Variants in TFDP2 observed in about 807,000 individuals in gnomAD.
TFDP2 encodes the protein transcription factor Dp-2 (E2F dimerization partner 2).
TFDP2 carries 17 observed loss-of-function variants against 59.3 expected under a neutral mutation model. That is an observed-to-expected ratio of 0.29 (90% CI 0.20 to 0.43). The LOEUF is 0.43. TFDP2 is among the 20% of genes least tolerant of loss of function. The probability of loss-of-function intolerance (pLI) is 1.00; values close to 1 mark genes in which losing one functional copy is unlikely to be tolerated. For missense variants in TFDP2, 391 were observed against 528.8 expected (o/e 0.74, Z 2.56); for synonymous variants, 180 against 194.7 (o/e 0.92, Z 0.63).
At chr3:142,099,023 A>C (rs563317034) in intron 2 of TFDP2, among the ~76,000 whole-genome samples, 71 of 152,354 alleles carry the variant, frequency 4.7e-4, no homozygotes, top group African/African-American at 1.6e-3. Context: ...AACTCTTCAC[A>C]AAAAAACTGT....
intron 3 of TFDP2, among the ~76,000 whole-genome samples, chr3:142,055,252 T>G (rs1431550433): frequency 6.6e-6 from 1 of 152,056 alleles, no homozygotes; most frequent in Non-Finnish European, 1.5e-5. Context: ...GTAATCCATC[T>G]CAGTAAGAGA....
At chr3:141,969,896 T>C (rs1939449868) in intron 9 of TFDP2, among the ~76,000 whole-genome samples, 177 bp downstream of exon 9, 1 of 152,150 alleles carries the variant, frequency 6.6e-6, no homozygotes, top group South Asian at 2.1e-4. Flanking sequence ...TGGCAACAGA[T>C]GGGACCATCT....
At chr3:141,956,323 G>C (rs1308672825) in intron 11 of TFDP2, among the ~76,000 whole-genome samples, 1 of 152,100 alleles carries the variant, frequency 6.6e-6, no homozygotes, top group Non-Finnish European at 1.5e-5. Context: ...AGGCCGAAGC[G>C]GGTGGATCAC....
rs1937136555 is a variant in TFDP2 at position 141,959,828 on chromosome 3, A to C, written c.897T>G (p.Leu299=). Residue 299 remains leucine, a synonymous_variant, in exon 11 of 13, where the codon CTT becomes CTG. Coordinates refer to ENST00000489671, the MANE Select transcript of TFDP2 (RefSeq NM_001178139.2). ...CSISSDKFEY[L]FNFDNTFEIH... ...TCTCAAAGGTGTTGTCAAAATTGAA[A>C]AGATACTCAAACCTGCATCAGGAAA... 6.2e-7 allele frequency: 1 copy of C among 1,613,976 alleles called. No homozygotes were observed. The highest frequency in any genetic ancestry group is 8.5e-7 in the Non-Finnish European group (1 of 1,179,972).
chr3:142,140,124 A>C (rs1298881725), intron 1 of TFDP2, among the ~76,000 whole-genome samples: 2 of 152,042 alleles, frequency 1.3e-5, no homozygotes, highest in Non-Finnish European at 2.9e-5. Context: ...TTTGATCTTT[A>C]ATCACTGATA....
chr3:141,974,907 C>CTTTTTTTTTTTTTTTTTTTT (rs753702830), intron 7 of TFDP2, among the ~76,000 whole-genome samples: 1 of 90,500 alleles, frequency 1.1e-5, no homozygotes, highest in African/African-American at 4.6e-5. Context: ...TCTTCTTCTT[C>CTTTTTTTTTTTTTTTTTTTT]TTTTTTTTTT....
In TFDP2 at chr3:141,948,672, G is replaced by A. The variant is rs1196314568; in HGVS notation, c.*3841C>T. The A allele has an allele frequency of 6.6e-6, 1 of 152,112 alleles. No homozygotes were observed. The highest frequency in any genetic ancestry group is 1.5e-5 in the Non-Finnish European group (1 of 68,058). 9.4% of individuals were successfully genotyped at this position (152,112 alleles called of 1,614,324 possible). A position where few individuals can be genotyped will look rare whatever the true frequency, so the allele number is the denominator to read the frequency against. ...CCTCCAACATACACACTGTGTGCTG[G>A]AGGGAGCCTAAGTCACATTTATACT... On this transcript the variant is annotated 3_prime_UTR_variant, in exon 13 of 13. Transcript: ENST00000489671.
chr3:142,004,193 CAT>C (rs1944040855), intron 4 of TFDP2, among the ~76,000 whole-genome samples: 5 of 152,284 alleles, frequency 3.3e-5, no homozygotes, highest in African/African-American at 9.6e-5. Context: ...ACATTCTTCA[CAT>C]AGTTACAGTA....
intron 3 of TFDP2, among the ~76,000 whole-genome samples, chr3:142,044,352 C>T (rs1203156410): frequency 2.0e-5 from 3 of 150,252 alleles, no homozygotes; most frequent in Non-Finnish European, 4.4e-5. Flanking sequence ...TCTCCTGCCT[C>T]AGCCTCCCAA....
intron 3 of TFDP2, among the ~76,000 whole-genome samples, chr3:142,056,162 C>G: frequency 6.6e-6 from 1 of 151,598 alleles, no homozygotes; most frequent in Non-Finnish European, 1.5e-5. Flanking sequence ...CCATGTTGGT[C>G]AGGCTGGTCT....
intron 8 of TFDP2, 122 bp from the exon 9 acceptor site, chr3:141,970,263 AT>A: frequency 2.4e-6 from 2 of 834,996 alleles, no homozygotes; most frequent in East Asian, 5.2e-5. Context: ...TTTTAACAAT[AT>A]GAATAAAGAC....
At chr3:142,013,965 C>A (rs1944923142) in intron 3 of TFDP2, among the ~76,000 whole-genome samples, 1 of 151,934 alleles carries the variant, frequency 6.6e-6, no homozygotes, top group Non-Finnish European at 1.5e-5. Flanking sequence ...TAGGAAAAAC[C>A]TTCTTCACCC....
At chr3:141,967,904 T>C (rs1364128137) in intron 9 of TFDP2, among the ~76,000 whole-genome samples, 3 of 152,140 alleles carry the variant, frequency 2.0e-5, no homozygotes, top group African/African-American at 7.2e-5. Context: ...CCAGCACCAT[T>C]CTTTCTGATA....
At chr3:142,029,370 C>T (rs892936401) in intron 3 of TFDP2, among the ~76,000 whole-genome samples, 2 of 151,464 alleles carry the variant, frequency 1.3e-5, no homozygotes, top group Admixed American at 6.6e-5. Context: ...CTTTCCCACA[C>T]AGAAGTTCTA....
chr3:142,017,817 C>T lies in TFDP2; in HGVS notation c.83-12273G>A, dbSNP rs1945258389. Among the ~76,000 whole-genome samples, 5 of 152,264 alleles carry T rather than the reference C, an allele frequency of 3.3e-5. No individual in the cohort carries two copies. In the South Asian group the frequency reaches 1.0e-3, roughly 32 times the overall value. ...CCACCCGCCTCAGCCTCCCAAAGTGCTGGGATTACAGGCGTGAGCCACCGC... is the reference window on the plus strand; with the variant it reads ...CCACCCGCCTCAGCCTCCCAAAGTGTTGGGATTACAGGCGTGAGCCACCGC... On this transcript the variant is annotated intron_variant, in intron 3 of 12. Transcript: ENST00000489671.
intron 2 of TFDP2, among the ~76,000 whole-genome samples, chr3:142,100,979 C>T (rs1257019092): frequency 1.3e-5 from 2 of 152,114 alleles, no homozygotes; most frequent in African/African-American, 2.4e-5. Flanking sequence ...ATAACAAATT[C>T]CCTTTTTGTT....
At chr3:142,043,892 T>A in intron 3 of TFDP2, 1 of 1,053,652 alleles carries the variant, frequency 9.5e-7, no homozygotes, top group East Asian at 2.4e-5. Context: ...TCACAGTATC[T>A]TCTAAGCAGC....
At chr3:142,127,847 C>T (rs765617486) in intron 1 of TFDP2, among the ~76,000 whole-genome samples, 33 of 152,118 alleles carry the variant, frequency 2.2e-4, no homozygotes, top group East Asian at 1.9e-4. Flanking sequence ...TCAGTTGGGG[C>T]TGTTAATAAA....
chr3:141,963,774 A>G lies in TFDP2; in HGVS notation c.884+38T>C, dbSNP rs1257735045. ...GCAAATGATATGAAAATGTTAACAGAAGGCCAGCCCTGCACCCATCCCTAG... is the reference window on the plus strand; with the variant it reads ...GCAAATGATATGAAAATGTTAACAGGAGGCCAGCCCTGCACCCATCCCTAG... On this transcript the variant is annotated intron_variant, in intron 10 of 12. Transcript: ENST00000489671. The G allele has an allele frequency of 4.5e-6, 7 of 1,555,664 alleles. No individual in the cohort carries two copies. The African/African-American group carries it at 9.7e-5, about 21-fold the overall frequency.
Sources: allele counts gnomAD v4.1 joint callset (sites outside exome capture counted in the v4.1 genomes callset), GRCh38; gene constraint gnomAD v4.1.1; transcripts MANE v1.5; gene names NCBI Gene and HGNC (gene_info 2026-07-23, HGNC 2026-07-21).